The following RABGEF1 variants were observed in gnomAD, a reference collection of about 807,000 sequenced individuals.
RABGEF1 encodes the protein rab5 GDP/GTP exchange factor.
A neutral mutation model predicts 57.3 loss-of-function variants in RABGEF1; 26 were observed. That is an observed-to-expected ratio of 0.45 (90% CI 0.33 to 0.63). The LOEUF (loss-of-function observed/expected upper bound fraction) is 0.63. Among genes scored for constraint, RABGEF1 ranks in the 20% least tolerant of loss-of-function variants. The probability of loss-of-function intolerance (pLI) is 0.02; values close to 1 mark genes in which losing one functional copy is unlikely to be tolerated. For missense variants in RABGEF1, 464 were observed against 607.6 expected, an observed-to-expected ratio of 0.76 and a Z score of 2.48; for synonymous variants, 185 against 210.7, an observed-to-expected ratio of 0.88 and a Z score of 1.06.
intron 8 of RABGEF1, among the ~76,000 whole-genome samples, chr7:66,807,641 TTG>T (rs1788733941): frequency 6.6e-6 from 1 of 152,200 alleles, no homozygotes; most frequent in Non-Finnish European, 1.5e-5. Context: ...CTTCAGATGT[TTG>T]TTTCTTTTCC....
In RABGEF1 at chr7:66,809,003, T is replaced by C. The variant is rs1789083764; in HGVS notation, c.1195T>C (p.Trp399Arg). 6.2e-7 allele frequency: 1 copy of C among 1,614,168 alleles called. No individual in the cohort carries two copies. The highest frequency in any genetic ancestry group is 1.7e-5 in the Admixed American group (1 of 60,018). Residue 399 changes from tryptophan to arginine, a missense_variant, in exon 9 of 9, where the codon TGG becomes CGG. This residue lies in a region of RABGEF1 where 151 missense variants were observed against 152.2 expected (regional missense o/e 0.99). Coordinates refer to ENST00000284957, the MANE Select transcript of RABGEF1 (RefSeq NM_014504.3). ...TCCCAGGAAGCAAGAAGCTGAGAGT[T>C]GGTCTCCTGATGCTTGCTTAGGCGT... ...TSPRKQEAES[W>R]SPDACLGVKQ...
chr7:66,806,861 C>T (rs1788554009), intron 8 of RABGEF1, among the ~76,000 whole-genome samples: 1 of 152,094 alleles, frequency 6.6e-6, no homozygotes, highest in South Asian at 2.1e-4. Context: ...CCAGGCTGGT[C>T]TCGAACTCCT....
intron 1 of RABGEF1, among the ~76,000 whole-genome samples, chr7:66,708,398 C>T (rs1194331386): frequency 6.6e-6 from 1 of 152,006 alleles, no homozygotes; most frequent in African/African-American, 2.4e-5. Flanking sequence ...AGTGATTCTC[C>T]TGCCCCAGCC....
rs1314961428 is a variant in RABGEF1, at chr7:66,811,219, A to G, written c.*1935A>G. 6.6e-6 allele frequency: 1 copy of G among 152,184 alleles called. No individual in the cohort carries two copies. The highest frequency in any genetic ancestry group is 1.5e-5 in the Non-Finnish European group (1 of 68,030). 9.4% of individuals were successfully genotyped at this position (152,184 alleles called of 1,614,324 possible). A position where few individuals can be genotyped will look rare whatever the true frequency, so the allele number is the denominator to read the frequency against. ...GCTGACTTTTTTGGGTCTCTTACAT[A>G]TAAAGTAGGTTATTGAGTTGATTTT... On this transcript the variant is annotated 3_prime_UTR_variant, in exon 9 of 9. Transcript: ENST00000284957.
At chr7:66,803,929 G>A (rs1395003512) in intron 7 of RABGEF1, among the ~76,000 whole-genome samples, 1 of 151,684 alleles carries the variant, frequency 6.6e-6, no homozygotes, top group East Asian at 1.9e-4. Flanking sequence ...TTCCCTGGGA[G>A]AAGTAAAATG....
intron 3 of RABGEF1, among the ~76,000 whole-genome samples, chr7:66,779,475 G>C (rs1356859971): frequency 6.6e-6 from 1 of 151,988 alleles, no homozygotes; most frequent in East Asian, 1.9e-4. Context: ...TTGCACTCCA[G>C]CCTGGGCAAC....
At chr7:66,679,320 T>A (rs58642961), upstream of RABGEF1, among the ~76,000 whole-genome samples, 9,988 of 152,220 alleles carry the variant, frequency 0.066, 1,071 homozygotes, top group African/African-American at 0.22. Flanking sequence ...AGTTTTTTTT[T>A]CTTTTTGAGA....
intron 7 of RABGEF1, among the ~76,000 whole-genome samples, chr7:66,801,533 A>G (rs1409057441): frequency 6.6e-6 from 1 of 152,112 alleles, no homozygotes; most frequent in African/African-American, 2.4e-5. Context: ...ACTATCCCCC[A>G]TGCCCTGCAT....
intron 2 of RABGEF1, among the ~76,000 whole-genome samples, chr7:66,719,350 A>T (rs1795747207): frequency 6.6e-6 from 1 of 152,090 alleles, no homozygotes; most frequent in Non-Finnish European, 1.5e-5. Context: ...CCATAGGTGC[A>T]CGCCACCAAG....
chr7:66,741,947 T>A (rs1292043562), intron 1 of RABGEF1, among the ~76,000 whole-genome samples: 1 of 150,330 alleles, frequency 6.7e-6, no homozygotes, highest in Non-Finnish European at 1.5e-5. Flanking sequence ...CCATCCTCCC[T>A]AACACGGTGA....
intron 8 of RABGEF1, among the ~76,000 whole-genome samples, chr7:66,808,615 AG>A (rs1419158905): frequency 6.6e-6 from 1 of 152,164 alleles, no homozygotes; most frequent in African/African-American, 2.4e-5. Flanking sequence ...TGGGGATAGC[AG>A]GTCTGGGAAG....
At chr7:66,672,156 C>T in the RABGEF1 span, among the ~76,000 whole-genome samples, 1 of 151,702 alleles carries the variant, frequency 6.6e-6, no homozygotes, top group Non-Finnish European at 1.5e-5. Flanking sequence ...GGCACGGTGG[C>T]TCACGCCTGT....
upstream of RABGEF1, among the ~76,000 whole-genome samples, chr7:66,681,304 TAAAG>T (rs1010639794): frequency 8.6e-5 from 13 of 152,032 alleles, no homozygotes; most frequent in East Asian, 1.9e-4. Context: ...GGGAATCACA[TAAAG>T]AAAGTAAACA....
At chr7:66,783,974 G>A in intron 4 of RABGEF1, 133 bp downstream of exon 4, 1 of 874,262 alleles carries the variant, frequency 1.1e-6, no homozygotes, top group Non-Finnish European at 1.6e-6. Flanking sequence ...ACTTACCTAA[G>A]AAAAGCCTCT....
intron 2 of RABGEF1, among the ~76,000 whole-genome samples, chr7:66,714,808 T>C (rs1210852042): frequency 1.3e-5 from 2 of 152,048 alleles, no homozygotes; most frequent in African/African-American, 4.8e-5. Flanking sequence ...GGTGGCTGGC[T>C]CCTGTAGTTC....
At chr7:66,669,918 C>G in the RABGEF1 span, 1 of 152,344 alleles carries the variant, frequency 6.6e-6, no homozygotes, top group African/African-American at 2.4e-5. Flanking sequence ...CCCCACTTCC[C>G]TCTGTTCTCG....
At chr7:66,751,892 GAGT>G (rs1801506630) in intron 1 of RABGEF1, among the ~76,000 whole-genome samples, 1 of 152,126 alleles carries the variant, frequency 6.6e-6, no homozygotes, top group South Asian at 2.1e-4. Context: ...CTGGGCCCTT[GAGT>G]CCCAAAAGTC....
chr7:66,661,835 T>A, the RABGEF1 span, among the ~76,000 whole-genome samples: 1 of 152,190 alleles, frequency 6.6e-6, no homozygotes, highest in Non-Finnish European at 1.5e-5. Flanking sequence ...CTGACCAATA[T>A]TACTTATGAA....
the RABGEF1 span, among the ~76,000 whole-genome samples, chr7:66,663,750 A>G: frequency 6.6e-6 from 1 of 151,778 alleles, no homozygotes. Context: ...ATAATAAATA[A>G]ATAAAAATAA....
Sources: allele counts gnomAD v4.1 joint callset (sites outside exome capture counted in the v4.1 genomes callset), GRCh38; gene constraint gnomAD v4.1.1; regional missense constraint gnomAD v4.1.1; transcripts MANE v1.5; gene names NCBI Gene and HGNC (gene_info 2026-07-23, HGNC 2026-07-21).